Variants in DLC1 observed in about 807,000 individuals in gnomAD.
DLC1 encodes the protein DLC1 Rho GTPase activating protein.
DLC1 carries 54 observed loss-of-function variants against 140.3 expected under a neutral mutation model. The ratio of observed to expected loss-of-function variants is 0.38; its 90% confidence interval spans 0.31 to 0.48. The LOEUF (loss-of-function observed/expected upper bound fraction) is 0.48, where lower values mean the gene tolerates loss of function less well. Among genes scored for constraint, DLC1 ranks in the 20% least tolerant of loss-of-function variants. DLC1 has a pLI of 0.96. For synonymous variants in DLC1, 986 were observed against 728.1 expected (o/e 1.35, Z -5.70); for missense variants, 2,536 against 1,907.0 (o/e 1.33, Z -6.14).
At chr8:13,363,341 T>C (rs1835326263) in intron 4 of DLC1, among the ~76,000 whole-genome samples, 2 of 151,922 alleles carry the variant, frequency 1.3e-5, no homozygotes, top group South Asian at 2.1e-4. Context: ...GTATATGTCA[T>C]TGAATACGTG....
At chr8:13,193,188 A>G (rs540050890) in intron 5 of DLC1, among the ~76,000 whole-genome samples, 1 of 152,246 alleles carries the variant, frequency 6.6e-6, no homozygotes. Context: ...ACAAATAGGA[A>G]TTTCCTTGCC....
At chr8:13,566,583 T>C (rs898531259) in intron 1 of DLC1, among the ~76,000 whole-genome samples, 10 of 152,220 alleles carry the variant, frequency 6.6e-5, no homozygotes, top group African/African-American at 2.4e-4. Flanking sequence ...GGCGTACACG[T>C]TCGGATTTGT....
intron 4 of DLC1, among the ~76,000 whole-genome samples, chr8:13,334,655 C>T (rs750597866): frequency 8.5e-5 from 13 of 152,050 alleles, no homozygotes; most frequent in Admixed American, 2.0e-4. Context: ...AACGCATGGA[C>T]TGGATGAGTC....
chr8:13,122,193 T>C (rs1262003745), intron 5 of DLC1, among the ~76,000 whole-genome samples: 5 of 152,166 alleles, frequency 3.3e-5, no homozygotes, highest in Non-Finnish European at 7.3e-5. Flanking sequence ...TTTAGTGACT[T>C]TCCACCGCCT....
intron 5 of DLC1, among the ~76,000 whole-genome samples, chr8:13,217,343 A>C (rs537998783): frequency 5.9e-5 from 9 of 152,264 alleles, no homozygotes; most frequent in Admixed American, 3.3e-4. Context: ...ATTAATATCA[A>C]CAATTCATGA....
At chr8:13,375,769 A>G (rs924010293) in intron 4 of DLC1, among the ~76,000 whole-genome samples, 2 of 113,874 alleles carry the variant, frequency 1.8e-5, no homozygotes, top group Admixed American at 8.0e-5. Context: ...GGAATCATTT[A>G]TATTTGTCAA....
intron 5 of DLC1, among the ~76,000 whole-genome samples, chr8:13,129,001 T>C (rs1821850749): frequency 1.3e-5 from 2 of 149,404 alleles, no homozygotes; most frequent in African/African-American, 4.9e-5. Flanking sequence ...GACTCCGCAG[T>C]TCTTATCACT....
At chr8:13,395,511 G>A (rs527910753) in intron 3 of DLC1, among the ~76,000 whole-genome samples, 1 of 152,214 alleles carries the variant, frequency 6.6e-6, no homozygotes, top group African/African-American at 2.4e-5. Context: ...GTGTCCCCAG[G>A]TGTTAGAATA....
intron 5 of DLC1, among the ~76,000 whole-genome samples, chr8:13,118,105 G>T (rs1236403473): frequency 1.3e-5 from 2 of 150,374 alleles, no homozygotes; most frequent in East Asian, 3.9e-4. Context: ...GACCTTCCGG[G>T]CTCAAATGAT....
chr8:13,289,017 G>C (rs1006935427), intron 5 of DLC1, among the ~76,000 whole-genome samples: 1 of 152,060 alleles, frequency 6.6e-6, no homozygotes, highest in Non-Finnish European at 1.5e-5. Context: ...CATATTAGGT[G>C]CTCTGTGTGT....
chr8:13,196,538 G>A (rs115736230), intron 5 of DLC1, among the ~76,000 whole-genome samples: 4,580 of 152,152 alleles, frequency 0.03, 246 homozygotes, highest in African/African-American at 0.1. Context: ...CATGAATTAT[G>A]TTTATGCTTC....
Position 13,090,318 on chromosome 8 carries a change from G to C in DLC1, c.4008C>G (p.Val1336=), listed in dbSNP as rs1261850449. ...QDCVDGLFKE[V]KEKFKGWVSY... is the part of the protein sequence containing the mutation. ...TGACCCAGCCTTTAAACTTCTCTTT[G>C]ACTTCTTTAAACAGGCCATCCACAC... Residue 1336 remains valine, a synonymous_variant, in exon 15 of 18, where the codon GTC becomes GTG. Transcript: ENST00000276297. 4.3e-6 allele frequency: 7 copies of C among 1,614,138 alleles called. No homozygotes were observed. Among genetic ancestry groups the C allele is most frequent in the Non-Finnish European group, 5.9e-6 (7 of 1,180,024 alleles).
chr8:13,492,238 C>T (rs1355873408), intron 2 of DLC1, among the ~76,000 whole-genome samples: 1 of 152,034 alleles, frequency 6.6e-6, no homozygotes, highest in Non-Finnish European at 1.5e-5. Context: ...TGGCTCTGGT[C>T]ATCACCTGAT....
At chr8:13,243,009 TC>T (rs1829608180) in intron 5 of DLC1, among the ~76,000 whole-genome samples, 1 of 151,802 alleles carries the variant, frequency 6.6e-6, no homozygotes, top group South Asian at 2.1e-4. Flanking sequence ...GTGAGTGAGT[TC>T]TCATGAGGTC....
chr8:13,320,022 C>T (rs1246436741), intron 4 of DLC1, among the ~76,000 whole-genome samples: 1 of 151,868 alleles, frequency 6.6e-6, no homozygotes, highest in African/African-American at 2.4e-5. Flanking sequence ...TGGGGTTTCA[C>T]CATGCTGGCC....
At chr8:13,566,875 A>AAC in intron 1 of DLC1, 1 of 1,312,666 alleles carries the variant, frequency 7.6e-7, no homozygotes, top group South Asian at 1.8e-5. Flanking sequence ...CCGGAAGACG[A>AAC]CCTCCGCAGA....
chr8:13,384,542 C>T (rs553153228), intron 4 of DLC1, among the ~76,000 whole-genome samples: 1 of 117,942 alleles, frequency 8.5e-6, no homozygotes, highest in South Asian at 2.6e-4. Flanking sequence ...TACTAGTTTT[C>T]AATTCTAAAC....
At chr8:13,125,003 G>A (rs761099291) in intron 5 of DLC1, among the ~76,000 whole-genome samples, 1 of 151,014 alleles carries the variant, frequency 6.6e-6, no homozygotes, top group Non-Finnish European at 1.5e-5. Context: ...TTGAGACAGA[G>A]TCTCACTGTG....
At chr8:13,389,777 G>A (rs897937108) in intron 4 of DLC1, among the ~76,000 whole-genome samples, 3 of 152,114 alleles carry the variant, frequency 2.0e-5, no homozygotes, top group Admixed American at 6.5e-5. Flanking sequence ...GGTTGTTACT[G>A]TGGTCACTAC....
Sources: gnomAD v4.1 joint callset for allele counts (sites outside exome capture counted in the v4.1 genomes callset) on GRCh38, gnomAD v4.1.1 for gene constraint, MANE v1.5 for transcripts, NCBI Gene and HGNC (gene_info 2026-07-23, HGNC 2026-07-21) for gene names.